RPTOR: variants seen among roughly 807,000 people sequenced by gnomAD.
The protein encoded by RPTOR is regulatory-associated protein of mTOR.
A neutral mutation model predicts 169.9 loss-of-function variants in RPTOR; 21 were observed. That is an observed-to-expected ratio of 0.12 (90% confidence interval 0.09 to 0.18). The LOEUF (loss-of-function observed/expected upper bound fraction) is 0.18, where lower values mean the gene tolerates loss of function less well. Among genes scored for constraint, RPTOR ranks in the 10% least tolerant of loss-of-function variants. The pLI is 1.00. For missense variants in RPTOR, 1,133 were observed against 1,855.9 expected (o/e 0.61, Z 7.16); for synonymous variants, 732 against 753.2 (o/e 0.97, Z 0.46).
Position 80,947,189 on chromosome 17 carries a change from TC to T in RPTOR, c.3141-36del. ...CTCACTGTCATTTGGGTTTGCAGTT[TC>T]CTAATGACTTTTTTATTCCTCTCTT... On this transcript the variant is annotated intron_variant, in intron 26 of 33. Transcript: ENST00000306801. The surrounding 1 kb of genome is among the most constrained non-coding windows in gnomAD (Gnocchi z 4.4). 1 of 1,530,460 alleles carries T rather than the reference TC, an allele frequency of 6.5e-7. No homozygotes were observed. Among genetic ancestry groups the T allele is most frequent in the Non-Finnish European group, 8.8e-7 (1 of 1,142,306 alleles). The allele number at this position is 1,530,460 out of a possible 1,614,324, so 94.8% of individuals were successfully genotyped here.
At chr17:80,884,826 C>G (rs1354789227) in intron 16 of RPTOR, among the ~76,000 whole-genome samples, 182 bp from the exon 17 acceptor site, 5 of 152,248 alleles carry the variant, frequency 3.3e-5, no homozygotes, top group Admixed American at 1.3e-4. Context: ...GCGGCTGCCC[C>G]TGCTGCTCCC....
At chr17:80,900,675 C>T (rs1032953068) in intron 20 of RPTOR, among the ~76,000 whole-genome samples, 4 of 152,360 alleles carry the variant, frequency 2.6e-5, no homozygotes, top group East Asian at 3.9e-4. Flanking sequence ...ACCTGGTGAC[C>T]GTCTGCCAAG....
intron 1 of RPTOR, among the ~76,000 whole-genome samples, chr17:80,583,237 G>A (rs777394577): frequency 7.8e-6 from 1 of 128,456 alleles, no homozygotes; most frequent in Non-Finnish European, 1.6e-5. Flanking sequence ...TGCCCAGGCT[G>A]GAGTGCAGTG....
intron 2 of RPTOR, among the ~76,000 whole-genome samples, chr17:80,634,269 G>GCA (rs2065469241): frequency 6.7e-6 from 1 of 148,526 alleles, no homozygotes; most frequent in Non-Finnish European, 1.5e-5. Flanking sequence ...CATACCGTGT[G>GCA]TGTGCGTACT....
rs1342049284 is a variant in RPTOR, at chr17:80,960,109, C to T, written c.3509C>T (p.Thr1170Met). ...DIPTGADSCVTSLSCDSHRSL... is the reference protein window; with the variant it reads ...DIPTGADSCVMSLSCDSHRSL... ...CCTACGGGCGCAGACAGCTGTGTGA[C>T]GAGTCTGTCCTGTGATTCCCACCGC... The change falls in exon 30 of 34, where the codon ACG (threonine) becomes ATG (methionine). Residue 1170 changes from threonine to methionine, a missense_variant. By Grantham distance (81) the Thr-to-Met change is moderately conservative. This residue lies in a region of RPTOR where 410 missense variants were observed against 623.7 expected (regional missense o/e 0.66). Transcript: ENST00000306801. This position sits in a 1 kb window ranked among gnomAD's most constrained non-coding sequence, Gnocchi z 4.8. The T allele has an allele frequency of 2.5e-6, 4 of 1,613,552 alleles. No homozygotes were observed. The African/African-American group carries it at 4.0e-5, about 16-fold the overall frequency.
intron 13 of RPTOR, among the ~76,000 whole-genome samples, chr17:80,873,196 G>A (rs1383407354): frequency 6.6e-6 from 1 of 152,132 alleles, no homozygotes; most frequent in Non-Finnish European, 1.5e-5. Context: ...GAAATGCCCG[G>A]GGCTCTGTGC....
intron 1 of RPTOR, among the ~76,000 whole-genome samples, chr17:80,604,536 C>T (rs560885672): frequency 6.6e-6 from 1 of 152,254 alleles, no homozygotes; most frequent in East Asian, 1.9e-4. Flanking sequence ...CGATGCTGTC[C>T]CTGTTGGTCC....
chr17:80,947,083 C>A lies in RPTOR; in HGVS notation c.3141-144C>A. 1 of 711,786 alleles carries A rather than the reference C, an allele frequency of 1.4e-6. No individual in the cohort carries two copies. The highest frequency in any genetic ancestry group is 2.1e-6 in the Non-Finnish European group (1 of 466,476). The allele number at this position is 711,786 out of a possible 1,614,324, so 44.1% of individuals were successfully genotyped here. A position where few individuals can be genotyped will look rare whatever the true frequency, so the allele number is the denominator to read the frequency against. On this transcript the variant is annotated intron_variant, in intron 26 of 33. Transcript: ENST00000306801. The surrounding 1 kb of genome is among the most constrained non-coding windows in gnomAD (Gnocchi z 4.4). ...CCTCCTGCTTCAGCCTCCCAAGTAGCTAGGATGACAGGTGTGAGCCGCCGT... is the reference window on the plus strand; with the variant it reads ...CCTCCTGCTTCAGCCTCCCAAGTAGATAGGATGACAGGTGTGAGCCGCCGT...
At chr17:80,741,484 C>G (rs1401033013) in intron 5 of RPTOR, among the ~76,000 whole-genome samples, 1 of 152,190 alleles carries the variant, frequency 6.6e-6, no homozygotes, top group Non-Finnish European at 1.5e-5. Flanking sequence ...AAAGGCAACA[C>G]CAGTGTTTTG....
intron 4 of RPTOR, among the ~76,000 whole-genome samples, chr17:80,712,504 A>T (rs1488306648): frequency 6.6e-6 from 1 of 152,090 alleles, no homozygotes; most frequent in Non-Finnish European, 1.5e-5. Flanking sequence ...TTGATAGCTC[A>T]TTTTTTACAA....
intron 5 of RPTOR, among the ~76,000 whole-genome samples, chr17:80,751,569 G>A (rs1485061424): frequency 3.3e-5 from 5 of 152,138 alleles, no homozygotes; most frequent in Admixed American, 6.5e-5. Flanking sequence ...CCGTCAAGCC[G>A]GGGAGCGCAT....
intron 23 of RPTOR, 95 bp from the exon 24 acceptor site, chr17:80,925,275 G>A (rs546418317): frequency 4.4e-5 from 45 of 1,034,126 alleles, no homozygotes; most frequent in African/African-American, 2.5e-4. Context: ...TCCCGGCAGC[G>A]CCTTTGTCCC....
intron 7 of RPTOR, among the ~76,000 whole-genome samples, chr17:80,796,480 G>A (rs572896267): frequency 3.3e-5 from 5 of 152,320 alleles, no homozygotes; most frequent in Admixed American, 2.0e-4. Flanking sequence ...GAGAGCGAGA[G>A]CACACCAGGG....
intron 1 of RPTOR, among the ~76,000 whole-genome samples, chr17:80,617,471 A>G (rs981027866): frequency 6.6e-6 from 1 of 152,332 alleles, no homozygotes; most frequent in Non-Finnish European, 1.5e-5. Flanking sequence ...TGTTTAATAT[A>G]CGCCATTTAA....
chr17:80,959,564 C>T lies in RPTOR; in HGVS notation c.3478-514C>T, dbSNP rs575340602. Among the ~76,000 whole-genome samples the T allele has an allele frequency of 4.6e-5, 7 of 152,334 alleles. No individual in the cohort carries two copies. Among genetic ancestry groups the T allele is most frequent in the Non-Finnish European group, 8.8e-5 (6 of 68,018 alleles). ...CGTCCCTGGCAGGTGCCATCGCCCCCGCCCCCGCTTCTCCAGCACTTAGAG... is the reference window on the plus strand; with the variant it reads ...CGTCCCTGGCAGGTGCCATCGCCCCTGCCCCCGCTTCTCCAGCACTTAGAG... On this transcript the variant is annotated intron_variant, in intron 29 of 33. Transcript: ENST00000306801. The surrounding 1 kb of genome is among the most constrained non-coding windows in gnomAD (Gnocchi z 6.7).
intron 5 of RPTOR, among the ~76,000 whole-genome samples, chr17:80,751,054 T>C (rs539000834): frequency 6.6e-6 from 1 of 152,328 alleles, no homozygotes; most frequent in African/African-American, 2.4e-5. Flanking sequence ...TTAATAAAAC[T>C]AGCAGTCATT....
At chr17:80,883,300 C>T (rs1598376341) in intron 14 of RPTOR, 119 bp from the exon 15 acceptor site, 4 of 880,018 alleles carry the variant, frequency 4.5e-6, no homozygotes, top group African/African-American at 1.7e-5. Flanking sequence ...AGCTGGCTCT[C>T]GTTACTTTAA....
Position 80,949,431 on chromosome 17 carries a change from C to A in RPTOR, c.3266-12C>A. 6.2e-7 allele frequency: 1 copy of A among 1,609,154 alleles called. No individual in the cohort carries two copies. On this transcript the variant is annotated splice_polypyrimidine_tract_variant and intron_variant, in intron 27 of 33. Coordinates refer to ENST00000306801, the MANE Select transcript of RPTOR (RefSeq NM_020761.3). ...GGGCCTGGTTCACATCCTTTCCTCT[C>A]TCCCTCCCCAGACGATGGTGCCATC...
chr17:80,851,434 T>C (rs1274940195), intron 11 of RPTOR, among the ~76,000 whole-genome samples: 1 of 152,240 alleles, frequency 6.6e-6, no homozygotes, highest in Non-Finnish European at 1.5e-5. Context: ...CTTTGCTTTA[T>C]GTTGGCTTCA....
Sources: allele counts gnomAD v4.1 joint callset (sites outside exome capture counted in the v4.1 genomes callset), GRCh38; gene constraint gnomAD v4.1.1; regional missense constraint gnomAD v4.1.1; non-coding constraint Gnocchi (gnomAD v3.1); transcripts MANE v1.5; gene names NCBI Gene and HGNC (gene_info 2026-07-23, HGNC 2026-07-21).